ASXL2: variants seen among roughly 807,000 people sequenced by gnomAD.
ASXL2 encodes the protein putative Polycomb group protein ASXL2.
A neutral mutation model predicts 122.0 loss-of-function variants in ASXL2; 23 were observed. The observed-to-expected ratio is 0.19, with a 90% confidence interval of 0.14 to 0.27. The LOEUF (loss-of-function observed/expected upper bound fraction) is 0.27, where lower values mean the gene tolerates loss of function less well. Ranked by LOEUF, ASXL2 falls within the 10% of genes least tolerant of loss-of-function variation. ASXL2 has a pLI of 1.00. For synonymous variants in ASXL2, 650 were observed against 637.0 expected (o/e 1.02, Z -0.31); for missense variants, 1,518 against 1,713.8 (o/e 0.89, Z 2.02).
chr2:25,806,282 C>T lies in ASXL2; in HGVS notation c.199G>A (p.Glu67Lys), dbSNP rs1389931155. 1.4e-5 allele frequency: 23 copies of T among 1,613,446 alleles called. No homozygotes were observed. Among genetic ancestry groups the T allele is most frequent in the Non-Finnish European group, 1.8e-5 (21 of 1,179,726 alleles). ...GGAACCTTATAGAAGATGCCCTCTTCACCTCTGGAGTTTGTGTGAAGCATT... is the reference window on the plus strand; with the variant it reads ...GGAACCTTATAGAAGATGCCCTCTTTACCTCTGGAGTTTGTGTGAAGCATT... ...NAMLHTNSRG[E>K]EGIFYKVPGR... The change falls in exon 4 of 13, where the codon GAA (glutamate) becomes AAA (lysine). Residue 67 changes from glutamate to lysine, a missense_variant. Glu to Lys is a moderately conservative substitution (Grantham distance 56, BLOSUM62 1). Coordinates refer to ENST00000435504, the MANE Select transcript of ASXL2 (RefSeq NM_018263.6).
chr2:25,790,663 A>C (rs950099347), intron 5 of ASXL2, among the ~76,000 whole-genome samples: 1 of 152,186 alleles, frequency 6.6e-6, no homozygotes, highest in Non-Finnish European at 1.5e-5. Context: ...ATTTTAGCTT[A>C]TATACCAGTG....
Position 25,806,369 on chromosome 2 carries a change from CACA to C in ASXL2, c.144-35_144-33del, listed in dbSNP as rs767260834. The C allele has an allele frequency of 7.6e-6, 11 of 1,450,878 alleles. 1 individual carries two copies. Among genetic ancestry groups the C allele is most frequent in the Non-Finnish European group, 1.1e-5 (11 of 1,043,172 alleles). 89.9% of individuals were successfully genotyped at this position (1,450,878 alleles called of 1,614,324 possible). A position where few individuals can be genotyped will look rare whatever the true frequency, so the allele number is the denominator to read the frequency against. On this transcript the variant is annotated intron_variant, in intron 3 of 12. Coordinates refer to ENST00000435504, the MANE Select transcript of ASXL2 (RefSeq NM_018263.6). ...AACAAAGAAGAGATGTGATAAGGAA[CACA>C]ACAATTAATTTCTGTCTCTGAATAT... is the stretch of plus-strand genomic sequence containing the variant.
At chr2:25,830,831 G>A (rs1480752837) in intron 3 of ASXL2, 1 of 152,106 alleles carries the variant, frequency 6.6e-6, no homozygotes, top group East Asian at 1.9e-4. Context: ...CAGTAAGAGA[G>A]TGGAGACAAC....
Position 25,744,472 on chromosome 2 carries a change from G to T in ASXL2, c.1865C>A (p.Pro622Gln). 1 of 1,590,094 alleles carries T rather than the reference G, an allele frequency of 6.3e-7. No homozygotes were observed. Among genetic ancestry groups the T allele is most frequent in the South Asian group, 1.1e-5 (1 of 88,752 alleles). ...CGGCATGGGGGAGATTCTGGAGACC[G>T]GGATCTGAAAGAAGTAGAGGGGAAA... ...QVRKVPPLKI[P>Q]VSRISPMPFH... Residue 622 changes from proline (P) to glutamine (Q), a missense_variant, in exon 13 of 13, where the codon CCG (proline) becomes CAG (glutamine). This residue lies in a region of ASXL2 where 292 missense variants were observed against 293.5 expected (regional missense o/e 1.00). Coordinates refer to ENST00000435504, the MANE Select transcript of ASXL2 (RefSeq NM_018263.6). The surrounding 1 kb of genome is among the most constrained non-coding windows in gnomAD (Gnocchi z 4.7).
chr2:25,824,601 G>A (rs565684277), intron 3 of ASXL2, among the ~76,000 whole-genome samples: 5 of 152,144 alleles, frequency 3.3e-5, no homozygotes, highest in African/African-American at 1.2e-4. Flanking sequence ...TTCAAGAATC[G>A]AACAAAATCA....
At position 25,736,760 on chromosome 2, in the gene ASXL2, A is replaced by C. The variant is rs1299664705; in HGVS notation, c.*5269T>G. 3.9e-5 allele frequency: 6 copies of C among 152,210 alleles called. No individual in the cohort carries two copies. The highest frequency in any genetic ancestry group is 2.6e-4 in the Admixed American group (4 of 15,278). The allele number at this position is 152,210 out of a possible 1,614,324, so 9.4% of individuals were successfully genotyped here. ...TGGGAACTAGTGAACTACAATAAAA[A>C]GTCAGTTTTATGGGTCATCAAGATA... On this transcript the variant is annotated 3_prime_UTR_variant, in exon 13 of 13. Coordinates refer to ENST00000435504, the MANE Select transcript of ASXL2 (RefSeq NM_018263.6).
intron 4 of ASXL2, among the ~76,000 whole-genome samples, chr2:25,805,164 C>CA (rs1268326695): frequency 1.3e-5 from 2 of 152,226 alleles, no homozygotes; most frequent in African/African-American, 4.8e-5. Flanking sequence ...ATATGGGCAA[C>CA]ACTGGGCAAG....
chr2:25,749,692 T>C lies in ASXL2; in HGVS notation c.1860+4A>G, dbSNP rs767338669. On this transcript the variant is annotated splice_donor_region_variant and intron_variant, in intron 12 of 12. Transcript: ENST00000435504. Reference sequence around the variant, plus strand: ...TGCTTTTCTAATTCTCTCCATTCTCTTACCTTGAGAGGTGGTACTTTTCGC... The same window carrying C: ...TGCTTTTCTAATTCTCTCCATTCTCCTACCTTGAGAGGTGGTACTTTTCGC... 2 of 1,510,686 alleles carry C rather than the reference T, an allele frequency of 1.3e-6. No individual in the cohort carries two copies. The highest frequency in any genetic ancestry group is 4.6e-5 in the East Asian group (2 of 43,730). 93.6% of individuals were successfully genotyped at this position (1,510,686 alleles called of 1,614,324 possible).
Position 25,767,585 on chromosome 2 carries a change from G to A in ASXL2, c.773C>T (p.Thr258Ile). Residue 258 changes from threonine to isoleucine, a missense_variant and splice_region_variant, in exon 8 of 13, where the codon ACC becomes ATC. By Grantham distance (89) the Thr-to-Ile change is moderately conservative. Around this residue, in one of 8 missense-constraint regions of ASXL2, gnomAD observed 198 missense variants for 209.0 expected, o/e 0.95. Coordinates refer to ENST00000435504, the MANE Select transcript of ASXL2 (RefSeq NM_018263.6). The stretch of plus-strand genomic sequence containing the variant: ...GAAGTCTTTGTAAGCAAACTTACTG[G>A]TATGGAGTCTCTCAGATCTCTGGAA... ...KSFQRSERLH[T>I]RQMKRTKCAD... 1 of 1,613,604 alleles carries A rather than the reference G, an allele frequency of 6.2e-7. No individual in the cohort carries two copies. The highest frequency in any genetic ancestry group is 8.5e-7 in the Non-Finnish European group (1 of 1,179,680).
Position 25,878,424 on chromosome 2 carries a change from T to G in ASXL2, c.-202A>C. ...GGGGCGGCCGGTCCTCTTGCTGCCG[T>G]TGCCACTGCTACCGCCGCTGCCATA... is the stretch of plus-strand genomic sequence containing the variant. On this transcript the variant is annotated 5_prime_UTR_variant, in exon 1 of 13. Coordinates refer to ENST00000435504, the MANE Select transcript of ASXL2 (RefSeq NM_018263.6). 1.7e-6 allele frequency: 1 copy of G among 598,054 alleles called. No individual in the cohort carries two copies. The highest frequency in any genetic ancestry group is 3.0e-6 in the Non-Finnish European group (1 of 337,290). 37.0% of individuals were successfully genotyped at this position (598,054 alleles called of 1,614,324 possible).
chr2:25,858,862 G>A (rs1306603464), intron 1 of ASXL2, among the ~76,000 whole-genome samples: 6 of 148,030 alleles, frequency 4.1e-5, no homozygotes, highest in Admixed American at 6.7e-5. Context: ...TGCCCAGGCT[G>A]GAGTGCAGTG....
intron 6 of ASXL2, 63 bp from the exon 7 acceptor site, chr2:25,768,931 T>C (rs2088399510): frequency 1.3e-6 from 2 of 1,529,944 alleles, no homozygotes; most frequent in Non-Finnish European, 1.8e-6. Flanking sequence ...TAATATAAAT[T>C]ACTTCTTTTT....
chr2:25,860,949 T>C (rs1043921890), intron 1 of ASXL2, among the ~76,000 whole-genome samples: 2 of 151,538 alleles, frequency 1.3e-5, no homozygotes, highest in African/African-American at 4.9e-5. Flanking sequence ...GAGGCAGAGG[T>C]TGCAGTGAGC....
chr2:25,843,701 C>A (rs13422139), intron 2 of ASXL2, among the ~76,000 whole-genome samples: 41,227 of 150,936 alleles, frequency 0.27, 5,897 homozygotes, highest in African/African-American at 0.31. Context: ...CTTCAGGAGG[C>A]AGAGATGAGA....
At chr2:25,747,344 G>A (rs1334498259) in intron 12 of ASXL2, among the ~76,000 whole-genome samples, 1 of 152,082 alleles carries the variant, frequency 6.6e-6, no homozygotes, top group Non-Finnish European at 1.5e-5. Context: ...CTACTACATT[G>A]TGAATTTTGT....
chr2:25,813,907 G>A (rs780594382), intron 3 of ASXL2, among the ~76,000 whole-genome samples: 7 of 152,120 alleles, frequency 4.6e-5, no homozygotes, highest in Non-Finnish European at 7.4e-5. Flanking sequence ...AAAATTAGCC[G>A]GGCGTGATGG....
Position 25,742,794 on chromosome 2 carries a change from A to G in ASXL2, c.3543T>C (p.Thr1181=). The G allele has an allele frequency of 6.2e-7, 1 of 1,613,828 alleles. No homozygotes were observed. ...GESSSSKEDD[T]DEESTGDEQE... ...GCTCATCACCAGTACTTTCCTCATCAGTGTCATCTTCTTTGCTGCTGCTAC... is the reference window on the plus strand; with the variant it reads ...GCTCATCACCAGTACTTTCCTCATCGGTGTCATCTTCTTTGCTGCTGCTAC... The change falls in exon 13 of 13, where the codon ACT becomes ACC. Residue 1181 remains threonine (T), a synonymous_variant. Coordinates refer to ENST00000435504, the MANE Select transcript of ASXL2 (RefSeq NM_018263.6).
intron 3 of ASXL2, among the ~76,000 whole-genome samples, chr2:25,811,055 T>TACACACACAC (rs34006530): frequency 0.071 from 8,306 of 116,304 alleles, 456 homozygotes; most frequent in Middle Eastern, 0.14. Flanking sequence ...AATACAAAAA[T>TACACACACAC]ACACACACAC....
chr2:25,799,725 T>C lies in ASXL2; in HGVS notation c.253-190A>G, dbSNP rs551429593. Among the ~76,000 whole-genome samples the C allele has an allele frequency of 3.3e-5, 5 of 152,344 alleles. No homozygotes were observed. The South Asian group carries it at 1.0e-3, about 32-fold the overall frequency. ...GCAAATAAGCTAATGTTTCCAACTA[T>C]ATCCGAAGATAAAAATTATATACAA... On this transcript the variant is annotated intron_variant, in intron 4 of 12. Transcript: ENST00000435504.
Sources: gnomAD v4.1 joint callset for allele counts (sites outside exome capture counted in the v4.1 genomes callset) on GRCh38, gnomAD v4.1.1 for gene constraint, gnomAD v4.1.1 regional missense constraint, Gnocchi (gnomAD v3.1) non-coding constraint, MANE v1.5 for transcripts, NCBI Gene and HGNC (gene_info 2026-07-23, HGNC 2026-07-21) for gene names.